Variants in HAPLN2 observed in about 807,000 individuals in gnomAD.
HAPLN2 encodes the protein hyaluronan and proteoglycan link protein 2.
HAPLN2 carries 27 observed loss-of-function variants against 29.3 expected under a neutral mutation model. That is an observed-to-expected ratio of 0.92 (90% CI 0.68 to 1.27). The LOEUF (loss-of-function observed/expected upper bound fraction) is 1.27, where lower values mean the gene tolerates loss of function less well. Among genes scored for constraint, HAPLN2 ranks in the 50% most tolerant of loss-of-function variants. The probability of loss-of-function intolerance (pLI) is 0.00; values close to 1 mark genes in which losing one functional copy is unlikely to be tolerated. For missense variants in HAPLN2, 454 were observed against 484.3 expected, an observed-to-expected ratio of 0.94 and a Z score of 0.59; for synonymous variants, 208 against 211.7, an observed-to-expected ratio of 0.98 and a Z score of 0.15.
At chr1:156,624,263 C>T (rs1346402407) in intron 4 of HAPLN2, 88 bp from the exon 5 acceptor site, 2 of 1,499,382 alleles carry the variant, frequency 1.3e-6, no homozygotes, top group Non-Finnish European at 9.0e-7. Context: ...CCCCTGGGGA[C>T]CCCAGCTCCC....
chr1:156,625,004 C>T lies in HAPLN2; in HGVS notation c.740-97C>T, dbSNP rs1678400435. 2 of 1,416,134 alleles carry T rather than the reference C, an allele frequency of 1.4e-6. No homozygotes were observed. 87.7% of individuals were successfully genotyped at this position (1,416,134 alleles called of 1,614,324 possible). On this transcript the variant is annotated intron_variant, in intron 6 of 6. Transcript: ENST00000255039. This position sits in a 1 kb window ranked among gnomAD's most constrained non-coding sequence, Gnocchi z 5.7. ...CTCCTCTTACCCAAGCTCGATCCAG[C>T]ACCTCTGCGGTCCCGCACCCCAACT...
At chr1:156,624,892 G>T in intron 6 of HAPLN2, 109 bp downstream of exon 6, 2 of 1,326,030 alleles carry the variant, frequency 1.5e-6, no homozygotes, top group South Asian at 1.5e-5. Flanking sequence ...TCCCTCCAAG[G>T]CACCGCCCCC....
chr1:156,604,246 C>T, the HAPLN2 span, among the ~76,000 whole-genome samples: 3 of 150,356 alleles, frequency 2.0e-5, no homozygotes, highest in African/African-American at 7.3e-5. Context: ...ACAGTGTAAA[C>T]ATACAATGGA....
upstream of HAPLN2, among the ~76,000 whole-genome samples, chr1:156,618,815 A>G (rs939228011): frequency 2.0e-5 from 3 of 151,328 alleles, no homozygotes; most frequent in Non-Finnish European, 4.4e-5. Flanking sequence ...GACTTGAGAG[A>G]AAGTGAATTT....
At chr1:156,611,348 T>C in the HAPLN2 span, among the ~76,000 whole-genome samples, 1 of 151,156 alleles carries the variant, frequency 6.6e-6, no homozygotes, top group Non-Finnish European at 1.5e-5. Flanking sequence ...GCAGATCCCT[T>C]GAGGTCAGGA....
At position 156,623,415 on chromosome 1, in the gene HAPLN2, C is replaced by T. The variant is rs534110586; in HGVS notation, c.-24-52C>T. The T allele has an allele frequency of 2.7e-5, 40 of 1,489,362 alleles. No homozygotes were observed. The East Asian group carries it at 8.4e-4, about 31-fold the overall frequency. 92.3% of individuals were successfully genotyped at this position (1,489,362 alleles called of 1,614,324 possible). A position where few individuals can be genotyped will look rare whatever the true frequency, so the allele number is the denominator to read the frequency against. ...GGAGTTCACCCACAACCCTGCTCTT[C>T]CCCACCCTTTTGCCCCAGTCCTAAG... is the stretch of plus-strand genomic sequence containing the variant. On this transcript the variant is annotated intron_variant, in intron 2 of 6. Transcript: ENST00000255039.
intron 2 of HAPLN2, among the ~76,000 whole-genome samples, chr1:156,622,327 G>A (rs1326950531): frequency 6.6e-6 from 1 of 152,016 alleles, no homozygotes; most frequent in African/African-American, 2.4e-5. Context: ...CATGGTGTGC[G>A]CCTGTAGTCC....
At chr1:156,613,147 G>A in the HAPLN2 span, among the ~76,000 whole-genome samples, 3 of 152,012 alleles carry the variant, frequency 2.0e-5, no homozygotes, top group African/African-American at 4.8e-5. Context: ...TCAGGAGATC[G>A]AGACCAGCCT....
In HAPLN2 at chr1:156,625,114, C is replaced by G. The variant is rs1294586613; in HGVS notation, c.753C>G (p.Phe251Leu). ...TGTGGTCCCCAGGCCAAGTGTTCTT[C>G]GTGCCCGGGCGGCTGACGCTGTCTG... is the stretch of plus-strand genomic sequence containing the variant. ...FTSALAGQVFFVPGRLTLSEA... is the reference protein window; with the variant it reads ...FTSALAGQVFLVPGRLTLSEA... Residue 251 changes from phenylalanine to leucine, a missense_variant, in exon 7 of 7, where the codon TTC (phenylalanine) becomes TTG (leucine). Phe to Leu is a conservative substitution (Grantham distance 22). Around this residue, in one of 3 missense-constraint regions of HAPLN2, gnomAD observed 235 missense variants for 236.9 expected, o/e 0.99. Transcript: ENST00000255039. The surrounding 1 kb of genome is among the most constrained non-coding windows in gnomAD (Gnocchi z 5.7). 3.2e-6 allele frequency: 5 copies of G among 1,538,608 alleles called. No individual in the cohort carries two copies. The Admixed American group carries it at 5.9e-5, about 18-fold the overall frequency.
At position 156,624,612 on chromosome 1, in the gene HAPLN2, G is replaced by A; in HGVS notation, c.568G>A (p.Gly190Ser). Residue 190 changes from glycine to serine, a missense_variant, in exon 6 of 7, where the codon GGT becomes AGT. Gly to Ser is a moderately conservative substitution (Grantham distance 56). Around this residue, in one of 3 missense-constraint regions of HAPLN2, gnomAD observed 235 missense variants for 236.9 expected, o/e 0.99. Transcript: ENST00000255039. ...CCGTCTCCCGCCAGCTTGGACCGAG[G>A]GTCTGGACTGGTGTAACGCGGGCTG... Reference protein sequence around the residue: ...YSQLYQAWTEGLDWCNAGWLL... With the variant: ...YSQLYQAWTESLDWCNAGWLL... The A allele has an allele frequency of 6.2e-7, 1 of 1,612,784 alleles. No homozygotes were observed. Among genetic ancestry groups the A allele is most frequent in the East Asian group, 2.2e-5 (1 of 44,842 alleles).
the HAPLN2 span, among the ~76,000 whole-genome samples, chr1:156,605,312 C>T: frequency 6.6e-6 from 1 of 151,450 alleles, no homozygotes. Flanking sequence ...GAAATGTAGG[C>T]CGGGCATGGT....
chr1:156,616,797 G>A (rs946222965), upstream of HAPLN2, among the ~76,000 whole-genome samples: 2 of 152,132 alleles, frequency 1.3e-5, no homozygotes, highest in African/African-American at 4.8e-5. Context: ...TCTCTCAAGA[G>A]TATAGTCGGC....
At chr1:156,622,654 G>A (rs1392561137) in intron 2 of HAPLN2, among the ~76,000 whole-genome samples, 2 of 152,092 alleles carry the variant, frequency 1.3e-5, no homozygotes, top group East Asian at 3.9e-4. Context: ...GGCCAAAGTG[G>A]TTAAGAGGCG....
Position 156,625,235 on chromosome 1 carries a change from G to A in HAPLN2, c.874G>A (p.Gly292Ser), listed in dbSNP as rs1042082297. 2 of 1,572,572 alleles carry A rather than the reference G, an allele frequency of 1.3e-6. No homozygotes were observed. Among genetic ancestry groups the A allele is most frequent in the South Asian group, 1.2e-5 (1 of 85,764 alleles). Residue 292 changes from glycine to serine, a missense_variant, in exon 7 of 7, where the codon GGC (glycine) becomes AGC (serine). Gly to Ser is a moderately conservative substitution (Grantham distance 56). Around this residue, in one of 3 missense-constraint regions of HAPLN2, gnomAD observed 235 missense variants for 236.9 expected, o/e 0.99. Coordinates refer to ENST00000255039, the MANE Select transcript of HAPLN2 (RefSeq NM_021817.3). This position sits in a 1 kb window ranked among gnomAD's most constrained non-coding sequence, Gnocchi z 5.7. ...GTTTTCGGGGCTAGACCAGTGCGAC[G>A]GCGGCTGGCTGGCTGACGGCAGTGT... The part of the protein sequence containing the change: ...WKFSGLDQCD[G>S]GWLADGSVRF...
chr1:156,605,719 T>G, the HAPLN2 span, among the ~76,000 whole-genome samples: 2 of 151,836 alleles, frequency 1.3e-5, no homozygotes, highest in Non-Finnish European at 2.9e-5. Flanking sequence ...CTACAGACTG[T>G]GGGGTTTTCA....
At chr1:156,621,314 A>G (rs1678213709) in intron 2 of HAPLN2, among the ~76,000 whole-genome samples, 1 of 151,102 alleles carries the variant, frequency 6.6e-6, no homozygotes, top group Non-Finnish European at 1.5e-5. Flanking sequence ...CATGATGGCC[A>G]GGCTGGTCTT....
At chr1:156,601,572 A>G in the HAPLN2 span, 37 of 1,009,960 alleles carry the variant, frequency 3.7e-5, no homozygotes, top group East Asian at 4.0e-4. Flanking sequence ...GCGGAGCCCA[A>G]TTTGCCGGTA....
chr1:156,621,881 G>A (rs1284322296), intron 2 of HAPLN2, among the ~76,000 whole-genome samples: 3 of 151,098 alleles, frequency 2.0e-5, no homozygotes, highest in Non-Finnish European at 2.9e-5. Context: ...TTTTTTTACC[G>A]GGAGGTGGAG....
At chr1:156,607,997 G>C in the HAPLN2 span, among the ~76,000 whole-genome samples, 39,985 of 152,052 alleles carry the variant, frequency 0.26, 5,528 homozygotes, top group South Asian at 0.5. Flanking sequence ...GCCTAGGCAG[G>C]TTCTAATTTT....
Sources: allele counts gnomAD v4.1 joint callset (sites outside exome capture counted in the v4.1 genomes callset), GRCh38; gene constraint gnomAD v4.1.1; regional missense constraint gnomAD v4.1.1; non-coding constraint Gnocchi (gnomAD v3.1); transcripts MANE v1.5; gene names NCBI Gene and HGNC (gene_info 2026-07-23, HGNC 2026-07-21).